HMGCLL1: variants seen among roughly 807,000 people sequenced by gnomAD.
HMGCLL1 encodes 3-hydroxy-3-methylglutaryl-CoA lyase like 1.
A neutral mutation model predicts 39.1 loss-of-function variants in HMGCLL1; 36 were observed. The observed-to-expected ratio is 0.92, with a 90% confidence interval of 0.71 to 1.22. The LOEUF is 1.22. Ranked by LOEUF, HMGCLL1 falls within the 50% of genes most tolerant of loss-of-function variation. The probability of loss-of-function intolerance (pLI) is 0.00; values close to 1 mark genes in which losing one functional copy is unlikely to be tolerated. For synonymous variants in HMGCLL1, 149 were observed against 144.0 expected, an observed-to-expected ratio of 1.03 and a Z score of -0.25; for missense variants, 451 against 416.5, an observed-to-expected ratio of 1.08 and a Z score of -0.72.
At chr6:55,609,064 C>T in the HMGCLL1 span, among the ~76,000 whole-genome samples, 2 of 152,324 alleles carry the variant, frequency 1.3e-5, no homozygotes, top group African/African-American at 2.4e-5. Flanking sequence ...ACCCACGGAT[C>T]GAAAGATCCC....
the HMGCLL1 span, among the ~76,000 whole-genome samples, chr6:55,647,449 G>A: frequency 6.6e-6 from 1 of 151,270 alleles, no homozygotes; most frequent in African/African-American, 2.4e-5. Flanking sequence ...TTTGCTTTCT[G>A]GTTGTTTTAC....
At chr6:55,630,898 A>T in the HMGCLL1 span, among the ~76,000 whole-genome samples, 1 of 151,964 alleles carries the variant, frequency 6.6e-6, no homozygotes, top group Non-Finnish European at 1.5e-5. Context: ...AGTCTCGGGT[A>T]TTTTTTTATC....
chr6:55,477,163 TA>T (rs1484988575), intron 7 of HMGCLL1, among the ~76,000 whole-genome samples: 5 of 48,660 alleles, frequency 1.0e-4, no homozygotes, highest in African/African-American at 3.9e-4. Context: ...TTATATATTA[TA>T]ATATAATATA....
intron 1 of HMGCLL1, among the ~76,000 whole-genome samples, chr6:55,556,848 C>T (rs62407367): frequency 0.24 from 35,943 of 152,018 alleles, 4,394 homozygotes; most frequent in South Asian, 0.28. Context: ...CTCCTGACTC[C>T]CAGGCTGGGC....
At chr6:55,499,859 A>T (rs1272866917) in intron 5 of HMGCLL1, among the ~76,000 whole-genome samples, 2 of 152,010 alleles carry the variant, frequency 1.3e-5, no homozygotes, top group South Asian at 2.1e-4. Context: ...AAGAGTGTCT[A>T]GTGTGTTTAG....
chr6:55,624,943 A>C, the HMGCLL1 span, among the ~76,000 whole-genome samples: 3 of 152,156 alleles, frequency 2.0e-5, no homozygotes, highest in Non-Finnish European at 4.4e-5. Flanking sequence ...GGTCCAGAAC[A>C]GGAGAAGGCT....
intron 5 of HMGCLL1, chr6:55,513,834 A>T: frequency 1.9e-6 from 1 of 519,132 alleles, no homozygotes. Context: ...TCTGATTTCA[A>T]CTGCATGACA....
the HMGCLL1 span, among the ~76,000 whole-genome samples, chr6:55,610,772 G>C: frequency 2.6e-3 from 396 of 152,206 alleles, 2 homozygotes; most frequent in African/African-American, 8.8e-3. Context: ...AACATTTTAA[G>C]GGCAGCCAAA....
chr6:55,589,294 A>C, the HMGCLL1 span, among the ~76,000 whole-genome samples: 77,198 of 151,866 alleles, frequency 0.51, 19,951 homozygotes, highest in South Asian at 0.61. Flanking sequence ...ACAGAACCAA[A>C]GACAAAAACC....
At chr6:55,491,138 T>C (rs995580590) in intron 7 of HMGCLL1, among the ~76,000 whole-genome samples, 7 of 152,162 alleles carry the variant, frequency 4.6e-5, no homozygotes, top group South Asian at 2.1e-4. Context: ...CTTACAAATA[T>C]AGAACTGAGA....
At chr6:55,577,900 CT>C (rs1771836795) in intron 1 of HMGCLL1, among the ~76,000 whole-genome samples, 1 of 152,156 alleles carries the variant, frequency 6.6e-6, no homozygotes, top group South Asian at 2.1e-4. Context: ...CCATGGCCAT[CT>C]TTTAAGTAAC....
the HMGCLL1 span, among the ~76,000 whole-genome samples, chr6:55,655,174 T>C: frequency 1.3e-5 from 2 of 152,026 alleles, no homozygotes; most frequent in Admixed American, 1.3e-4. Context: ...CAACCTACTC[T>C]ACTTTTATCA....
At chr6:55,446,451 T>A (rs1215434708) in intron 7 of HMGCLL1, among the ~76,000 whole-genome samples, 2 of 151,838 alleles carry the variant, frequency 1.3e-5, no homozygotes, top group Non-Finnish European at 1.5e-5. Context: ...ATAAACCTGG[T>A]GAATTCAGTT....
chr6:55,523,927 C>T (rs1768172461), intron 3 of HMGCLL1, among the ~76,000 whole-genome samples: 1 of 151,908 alleles, frequency 6.6e-6, no homozygotes, highest in Admixed American at 6.6e-5. Flanking sequence ...AAATATATTC[C>T]ATATAACAAT....
At chr6:55,445,798 T>C (rs1180840071) in intron 7 of HMGCLL1, among the ~76,000 whole-genome samples, 1 of 152,068 alleles carries the variant, frequency 6.6e-6, no homozygotes, top group Non-Finnish European at 1.5e-5. Flanking sequence ...GAAAAGTCCA[T>C]TTTTAGATGA....
At position 55,543,513 on chromosome 6, in the gene HMGCLL1, A is replaced by C. The variant is rs185858830; in HGVS notation, c.109-1373T>G. Among the ~76,000 whole-genome samples, 95 of 89,514 alleles carry C rather than the reference A, an allele frequency of 1.1e-3. 4 individuals carry two copies. In the South Asian group the frequency reaches 0.024, roughly 22 times the overall value. 58.7% of individuals were successfully genotyped at this position (89,514 alleles called of 152,430 possible). Reference sequence around the variant, plus strand: ...GATATATATCATATATATCATATATAATATATATATTTTTATGTGTATATA... The same window carrying C: ...GATATATATCATATATATCATATATCATATATATATTTTTATGTGTATATA... On this transcript the variant is annotated intron_variant, in intron 1 of 8. Coordinates refer to ENST00000274901, the MANE Select transcript of HMGCLL1 (RefSeq NM_001042406.2).
the HMGCLL1 span, among the ~76,000 whole-genome samples, chr6:55,609,685 T>C: frequency 4.6e-5 from 7 of 152,274 alleles, no homozygotes; most frequent in African/African-American, 1.7e-4. Flanking sequence ...GCCAAAATGC[T>C]TCATTAAATG....
At chr6:55,618,507 CA>C in the HMGCLL1 span, among the ~76,000 whole-genome samples, 5 of 151,550 alleles carry the variant, frequency 3.3e-5, no homozygotes, top group African/African-American at 4.8e-5. Context: ...AAGAAATTAT[CA>C]AAAAAATAAT....
At chr6:55,588,317 C>T in the HMGCLL1 span, among the ~76,000 whole-genome samples, 2 of 151,774 alleles carry the variant, frequency 1.3e-5, no homozygotes, top group African/African-American at 2.4e-5. Flanking sequence ...GGGTACATAA[C>T]GAAATGAAGG....
Sources: allele counts gnomAD v4.1 joint callset (sites outside exome capture counted in the v4.1 genomes callset), GRCh38; gene constraint gnomAD v4.1.1; transcripts MANE v1.5; gene names NCBI Gene and HGNC (gene_info 2026-07-23, HGNC 2026-07-21).